Variants in STK31 observed in about 807,000 individuals in gnomAD.
The protein encoded by STK31 is serine/threonine kinase 31, also known as serine/threonine-protein kinase 31.
Under a neutral mutation model 129.7 loss-of-function variants are expected in STK31, and 89 were observed. The ratio of observed to expected loss-of-function variants is 0.69; its 90% CI spans 0.58 to 0.82. The LOEUF is 0.82. Among genes scored for constraint, STK31 ranks in the 40% least tolerant of loss-of-function variants. The pLI, the probability that STK31 is intolerant of heterozygous loss-of-function variation, is 0.00. For synonymous variants in STK31, 448 were observed against 395.3 expected, an observed-to-expected ratio of 1.13 and a Z score of -1.58; for missense variants, 1,187 against 1,176.4, an observed-to-expected ratio of 1.01 and a Z score of -0.13.
At chr7:23,715,345 T>C (rs73080932) in intron 3 of STK31, among the ~76,000 whole-genome samples, 8,579 of 151,782 alleles carry the variant, frequency 0.057, 306 homozygotes, top group East Asian at 0.13. Context: ...TGGTCAGGCA[T>C]GGTGGCTCAT....
chr7:23,772,072 A>G (rs1790230946), intron 14 of STK31, 75 bp from the exon 15 acceptor site: 1 of 1,133,866 alleles, frequency 8.8e-7, no homozygotes, highest in Non-Finnish European at 1.2e-6. Flanking sequence ...ATCTTAACAG[A>G]GAAATAATAA....
At chr7:23,791,203 T>G (rs1283984648) in intron 22 of STK31, 1 of 921,940 alleles carries the variant, frequency 1.1e-6, no homozygotes, top group African/African-American at 1.8e-5. Flanking sequence ...GATTTTGTCC[T>G]ACATTAATCT....
intron 5 of STK31, among the ~76,000 whole-genome samples, chr7:23,728,800 T>A (rs1787231701): frequency 6.6e-6 from 1 of 152,188 alleles, no homozygotes; most frequent in Non-Finnish European, 1.5e-5. Flanking sequence ...CTTCATAGGC[T>A]GATGTTTATT....
chr7:23,757,172 T>C (rs1789140329), intron 10 of STK31, among the ~76,000 whole-genome samples: 1 of 152,110 alleles, frequency 6.6e-6, no homozygotes, highest in African/African-American at 2.4e-5. Context: ...TTCAGAGTTT[T>C]TGTTATTGGT....
rs1274471524 is a variant in STK31, at chr7:23,785,499, A to G, written c.2170A>G (p.Met724Val). 5.0e-6 allele frequency: 8 copies of G among 1,613,766 alleles called. No individual in the cohort carries two copies. Among genetic ancestry groups the G allele is most frequent in the Admixed American group, 1.7e-5 (1 of 59,992 alleles). Residue 724 changes from methionine to valine, a missense_variant, in exon 18 of 24, where the codon ATG becomes GTG. Met to Val is a conservative substitution (Grantham distance 21). Around this residue, in one of 5 missense-constraint regions of STK31, gnomAD observed 975 missense variants for 934.9 expected, o/e 1.04. Coordinates refer to ENST00000355870, the MANE Select transcript of STK31 (RefSeq NM_031414.5). ...KYMNSGGLLT[M>V]SLERDLLDAE... is the part of the protein sequence containing the mutation. ...CTAGAACTCTGGTGGTCTCCTTACA[A>G]TGAGCTTGGAACGAGATCTTCTTGA...
At chr7:23,788,999 A>G (rs1791462563) in intron 21 of STK31, among the ~76,000 whole-genome samples, 1 of 152,092 alleles carries the variant, frequency 6.6e-6, no homozygotes, top group Non-Finnish European at 1.5e-5. Flanking sequence ...CTACGAATAC[A>G]CTTTCTGTCT....
At chr7:23,789,056 AT>A (rs1791466007) in intron 21 of STK31, among the ~76,000 whole-genome samples, 1 of 152,190 alleles carries the variant, frequency 6.6e-6, no homozygotes, top group Non-Finnish European at 1.5e-5. Flanking sequence ...GAATGATACA[AT>A]ATGTGGCCTT....
intron 8 of STK31, among the ~76,000 whole-genome samples, chr7:23,741,290 C>G (rs1584364104): frequency 6.6e-6 from 1 of 152,230 alleles, no homozygotes; most frequent in South Asian, 2.1e-4. Context: ...TATTTAGATA[C>G]CAGACTTTGG....
intron 23 of STK31, among the ~76,000 whole-genome samples, chr7:23,816,273 A>G (rs1313327091): frequency 6.6e-6 from 1 of 152,212 alleles, no homozygotes; most frequent in Non-Finnish European, 1.5e-5. Flanking sequence ...ATTTATTGCT[A>G]TTAGATAGAA....
intron 1 of STK31, chr7:23,710,602 C>T: frequency 1.6e-6 from 2 of 1,289,570 alleles, no homozygotes; most frequent in Non-Finnish European, 2.0e-6. Context: ...TTCCCCTTCT[C>T]GAAAATTCTG....
At chr7:23,812,644 T>C (rs1424202823) in intron 22 of STK31, among the ~76,000 whole-genome samples, 1 of 152,006 alleles carries the variant, frequency 6.6e-6, no homozygotes, top group African/African-American at 2.4e-5. Flanking sequence ...CATTAAGTAA[T>C]TTCTCATACC....
chr7:23,747,775 T>C (rs1788450203), intron 8 of STK31, among the ~76,000 whole-genome samples: 3 of 152,324 alleles, frequency 2.0e-5, no homozygotes, highest in African/African-American at 7.2e-5. Context: ...CATAATATTT[T>C]TAAGTTTTAA....
intron 10 of STK31, among the ~76,000 whole-genome samples, chr7:23,762,067 G>A (rs939075598): frequency 1.3e-5 from 2 of 151,232 alleles, no homozygotes; most frequent in African/African-American, 4.8e-5. Flanking sequence ...ATAGGTAATA[G>A]AGATTAAAAC....
intron 4 of STK31, among the ~76,000 whole-genome samples, chr7:23,718,357 A>G (rs1360225468): frequency 6.6e-6 from 1 of 152,152 alleles, no homozygotes; most frequent in Admixed American, 6.5e-5. Context: ...TATAACTTGT[A>G]TACAGTAAGG....
intron 3 of STK31, among the ~76,000 whole-genome samples, chr7:23,714,411 A>G (rs1584312533): frequency 6.6e-6 from 1 of 152,212 alleles, no homozygotes; most frequent in Admixed American, 6.5e-5. Flanking sequence ...AAGATTTTCT[A>G]GACTAGTGCT....
intron 15 of STK31, among the ~76,000 whole-genome samples, chr7:23,774,968 G>A (rs1032949106): frequency 2.0e-5 from 3 of 152,160 alleles, no homozygotes; most frequent in African/African-American, 7.2e-5. Flanking sequence ...GTGTAAGGAA[G>A]GTATCCAGTT....
At chr7:23,788,788 T>C (rs934252488) in intron 21 of STK31, among the ~76,000 whole-genome samples, 3 of 152,140 alleles carry the variant, frequency 2.0e-5, no homozygotes, top group Non-Finnish European at 4.4e-5. Flanking sequence ...GCCAAATCAG[T>C]AATTATTTTT....
At chr7:23,724,990 T>C (rs968595062) in intron 4 of STK31, among the ~76,000 whole-genome samples, 6 of 152,238 alleles carry the variant, frequency 3.9e-5, no homozygotes, top group African/African-American at 1.4e-4. Flanking sequence ...AAAGCAGTAT[T>C]CTTCAGCCAT....
Position 23,770,989 on chromosome 7 carries a change from G to A in STK31, c.1714-16G>A, listed in dbSNP as rs770456770. ...TATTCCTTTGTGTATAATTCTATGT[G>A]TGTGATTTCATTTAGGATCAAGGTG... On this transcript the variant is annotated splice_polypyrimidine_tract_variant and intron_variant, in intron 13 of 23. Coordinates refer to ENST00000355870, the MANE Select transcript of STK31 (RefSeq NM_031414.5). The A allele has an allele frequency of 8.7e-6, 14 of 1,604,148 alleles. No individual in the cohort carries two copies. The East Asian group carries it at 2.5e-4, about 28-fold the overall frequency.
Sources: gnomAD v4.1 joint callset for allele counts (sites outside exome capture counted in the v4.1 genomes callset) on GRCh38, gnomAD v4.1.1 for gene constraint, gnomAD v4.1.1 regional missense constraint, MANE v1.5 for transcripts, NCBI Gene and HGNC (gene_info 2026-07-23, HGNC 2026-07-21) for gene names.